Variants in PLGRKT observed in about 807,000 individuals in gnomAD.
The protein encoded by PLGRKT is plasminogen receptor with a C-terminal lysine.
In PLGRKT, 22 loss-of-function variants were observed where a neutral mutation model predicts 18.5. The observed-to-expected ratio is 1.19, with a 90% CI of 0.85 to 1.70. The LOEUF is 1.70. Ranked by LOEUF, PLGRKT falls within the 40% of genes most tolerant of loss-of-function variation. The pLI is 0.00. For synonymous variants in PLGRKT, 72 were observed against 52.8 expected, an observed-to-expected ratio of 1.36 and a Z score of -1.58; for missense variants, 235 against 174.4, an observed-to-expected ratio of 1.35 and a Z score of -1.96.
chr9:5,391,729 T>C (rs1817952893), intron 3 of PLGRKT, among the ~76,000 whole-genome samples: 1 of 151,920 alleles, frequency 6.6e-6, no homozygotes, highest in Non-Finnish European at 1.5e-5. Context: ...TCCTGAAAGG[T>C]TCAGTCGTAT....
intron 3 of PLGRKT, among the ~76,000 whole-genome samples, chr9:5,417,022 G>A (rs1818475032): frequency 6.6e-6 from 1 of 152,144 alleles, no homozygotes; most frequent in African/African-American, 2.4e-5. Context: ...CTCTTTAAAC[G>A]TTAAATAATG....
At chr9:5,380,372 A>T (rs1001890796) in intron 3 of PLGRKT, among the ~76,000 whole-genome samples, 127 of 58,760 alleles carry the variant, frequency 2.2e-3, no homozygotes, top group African/African-American at 0.011. Context: ...GTCTCAATTA[A>T]AAAAAAAAAA....
intron 3 of PLGRKT, among the ~76,000 whole-genome samples, chr9:5,420,239 G>C (rs1818549159): frequency 6.6e-6 from 1 of 152,226 alleles, no homozygotes; most frequent in African/African-American, 2.4e-5. Context: ...AAAGGGCTGA[G>C]GAAGGAGAGG....
intron 3 of PLGRKT, among the ~76,000 whole-genome samples, chr9:5,411,399 A>G (rs916766943): frequency 5.5e-5 from 8 of 146,390 alleles, no homozygotes; most frequent in South Asian, 2.1e-4. Context: ...AAAAAAAAAA[A>G]GAAAAGAAAA....
chr9:5,360,239 C>G (rs1213080978), intron 5 of PLGRKT, among the ~76,000 whole-genome samples: 1 of 152,200 alleles, frequency 6.6e-6, no homozygotes, highest in South Asian at 2.1e-4. Flanking sequence ...GTAATAGTTA[C>G]AGACAAAGCA....
chr9:5,422,376 T>A (rs1168645453), intron 3 of PLGRKT, among the ~76,000 whole-genome samples: 2 of 152,112 alleles, frequency 1.3e-5, no homozygotes, highest in African/African-American at 4.8e-5. Context: ...ACCTCTAGAT[T>A]TACCACTTCA....
In PLGRKT at chr9:5,434,817, G is replaced by A. The variant is rs1017066940; in HGVS notation, c.-7+1752C>T. On this transcript the variant is annotated intron_variant, in intron 2 of 5. Transcript: ENST00000223864. Reference sequence around the variant, plus strand: ...TCTGGGAAGTGTACCCAACAGCTCCGAAGAGACAGCGACCATCGAGAACGG... The same window carrying A: ...TCTGGGAAGTGTACCCAACAGCTCCAAAGAGACAGCGACCATCGAGAACGG... 6.6e-5 allele frequency among the ~76,000 whole-genome samples: 10 copies of A among 152,038 alleles called. No homozygotes were observed. In the East Asian group the frequency reaches 1.2e-3, roughly 18 times the overall value.
intron 2 of PLGRKT, among the ~76,000 whole-genome samples, chr9:5,434,974 G>C (rs955619362): frequency 2.6e-5 from 4 of 152,066 alleles, no homozygotes; most frequent in African/African-American, 9.7e-5. Context: ...TCTGTACTAA[G>C]AAAAATTCTT....
At chr9:5,363,297 C>A (rs1817308772) in intron 3 of PLGRKT, among the ~76,000 whole-genome samples, 2 of 151,992 alleles carry the variant, frequency 1.3e-5, no homozygotes, top group South Asian at 4.1e-4. Context: ...ATGTTCCAGG[C>A]TGGCGTAACC....
chr9:5,360,227 A>G (rs1414210313), intron 5 of PLGRKT, among the ~76,000 whole-genome samples: 1 of 152,238 alleles, frequency 6.6e-6, no homozygotes, highest in Non-Finnish European at 1.5e-5. Context: ...GCTACTTACA[A>G]TGTAATAGTT....
chr9:5,382,850 T>A (rs556707622), intron 3 of PLGRKT, among the ~76,000 whole-genome samples: 1 of 151,986 alleles, frequency 6.6e-6, no homozygotes, highest in East Asian at 1.9e-4. Flanking sequence ...CCAAAGGACA[T>A]AGAATCAGTA....
chr9:5,358,476 T>A lies in PLGRKT; in HGVS notation c.323-116A>T, dbSNP rs188209767. ...AACACCGTATGAGCCATGTCCCCAA[T>A]CTCACACTTAAACATTTTCCTCAGG... is the stretch of plus-strand genomic sequence containing the variant. On this transcript the variant is annotated intron_variant, in intron 5 of 5. Transcript: ENST00000223864. The A allele has an allele frequency of 1.9e-4, 142 of 761,660 alleles. No individual in the cohort carries two copies. In the East Asian group the frequency reaches 3.7e-3, roughly 20 times the overall value. The allele number at this position is 761,660 out of a possible 1,614,324, so 47.2% of individuals were successfully genotyped here. A position where few individuals can be genotyped will look rare whatever the true frequency, so the allele number is the denominator to read the frequency against.
At chr9:5,394,687 A>C (rs969520744) in intron 3 of PLGRKT, among the ~76,000 whole-genome samples, 2 of 151,992 alleles carry the variant, frequency 1.3e-5, no homozygotes, top group Non-Finnish European at 2.9e-5. Flanking sequence ...TGCTGGGATT[A>C]CAGGCGTAAG....
chr9:5,364,794 G>A (rs1232240283), intron 3 of PLGRKT, among the ~76,000 whole-genome samples: 1 of 152,190 alleles, frequency 6.6e-6, no homozygotes, highest in Non-Finnish European at 1.5e-5. Context: ...ATTGACAGAA[G>A]ATGGTGGAAG....
chr9:5,386,691 T>C (rs1017842660), intron 3 of PLGRKT, among the ~76,000 whole-genome samples: 1 of 151,900 alleles, frequency 6.6e-6, no homozygotes, highest in African/African-American at 2.4e-5. Context: ...CATCTGTTTC[T>C]GTTCATCCCA....
At position 5,386,959 on chromosome 9, in the gene PLGRKT, G is replaced by A. The variant is rs118015050; in HGVS notation, c.82-25071C>T. On this transcript the variant is annotated intron_variant, in intron 3 of 5. Coordinates refer to ENST00000223864, the MANE Select transcript of PLGRKT (RefSeq NM_018465.4). ...GCAAAGTGACCCATGTGGACAGCAT[G>A]GAGTGAGCAAGGGAGAAAGTGGCAG... is the stretch of plus-strand genomic sequence containing the variant. Among the ~76,000 whole-genome samples the A allele has an allele frequency of 8.5e-4, 129 of 152,066 alleles. 2 individuals are homozygous for A. The highest frequency in any genetic ancestry group is 2.9e-3 in the Admixed American group (45 of 15,288).
chr9:5,399,020 CT>C (rs1294901562), intron 3 of PLGRKT, among the ~76,000 whole-genome samples: 1 of 151,456 alleles, frequency 6.6e-6, no homozygotes, highest in Non-Finnish European at 1.5e-5. Flanking sequence ...ACTGGAGAGA[CT>C]TTTATCTGCA....
At chr9:5,419,232 C>G (rs1818525509) in intron 3 of PLGRKT, among the ~76,000 whole-genome samples, 1 of 152,220 alleles carries the variant, frequency 6.6e-6, no homozygotes, top group Non-Finnish European at 1.5e-5. Context: ...ACCATGGCTT[C>G]TGGAAACAGT....
At chr9:5,387,889 C>A (rs762660250) in intron 3 of PLGRKT, among the ~76,000 whole-genome samples, 8 of 151,604 alleles carry the variant, frequency 5.3e-5, no homozygotes, top group Non-Finnish European at 1.2e-4. Context: ...AAACAGGGGT[C>A]TGGGGTAGAG....
Sources: gnomAD v4.1 joint callset for allele counts (sites outside exome capture counted in the v4.1 genomes callset) on GRCh38, gnomAD v4.1.1 for gene constraint, MANE v1.5 for transcripts, NCBI Gene and HGNC (gene_info 2026-07-23, HGNC 2026-07-21) for gene names.